TULP4: variants seen among roughly 807,000 people sequenced by gnomAD.
TULP4 encodes TUB like protein 4.
Under a neutral mutation model 129.0 loss-of-function variants are expected in TULP4, and 16 were observed. That is an observed-to-expected ratio of 0.12 (90% CI 0.08 to 0.19). The LOEUF (loss-of-function observed/expected upper bound fraction) is 0.19. TULP4 is among the 10% of genes least tolerant of loss of function. The pLI is 1.00. For missense variants in TULP4, 1,842 were observed against 2,059.1 expected (o/e 0.89, Z 2.04); for synonymous variants, 998 against 854.0 (o/e 1.17, Z -2.94).
chr6:158,412,461 A>G (rs1778117729), intron 1 of TULP4, among the ~76,000 whole-genome samples: 1 of 152,210 alleles, frequency 6.6e-6, no homozygotes. Context: ...TCAAATTAAA[A>G]AACAAAGTTC....
At chr6:158,384,851 T>C (rs1323195548) in intron 1 of TULP4, among the ~76,000 whole-genome samples, 1 of 152,194 alleles carries the variant, frequency 6.6e-6, no homozygotes, top group Non-Finnish European at 1.5e-5. Context: ...GTTCAGAGGA[T>C]AGTGTGAAGG....
rs183318068 is a variant in TULP4 at position 158,301,244 on chromosome 6, A to G, written n.117-10807A>G. On this transcript the variant is annotated intron_variant and non_coding_transcript_variant, in intron 1 of 1. Transcript: ENST00000432358. ...TTAACTCTACCTTTTGAGCAGAGGT[A>G]TAAGGGTTAGAAATAAGCTTGTCTG... 5.9e-5 allele frequency among the ~76,000 whole-genome samples: 9 copies of G among 152,340 alleles called. No individual in the cohort carries two copies. The East Asian group carries it at 1.7e-3, about 29-fold the overall frequency.
chr6:158,415,155 T>C (rs1340249869), intron 2 of TULP4, among the ~76,000 whole-genome samples: 1 of 152,230 alleles, frequency 6.6e-6, no homozygotes, highest in Non-Finnish European at 1.5e-5. Flanking sequence ...GAAAAATTTC[T>C]ATCACCTAGT....
intron 1 of TULP4, among the ~76,000 whole-genome samples, chr6:158,295,326 G>C (rs549685654): frequency 6.6e-6 from 1 of 152,130 alleles, no homozygotes; most frequent in South Asian, 2.1e-4. Flanking sequence ...TTTCTAGATT[G>C]GGAGAGTACC....
At position 158,494,980 on chromosome 6, in the gene TULP4, C is replaced by G. The variant is rs909285396; in HGVS notation, c.1870+134C>G. 23 of 653,546 alleles carry G rather than the reference C, an allele frequency of 3.5e-5. No individual in the cohort carries two copies. In the Admixed American group the frequency reaches 7.9e-4, roughly 22 times the overall value. 40.5% of individuals were successfully genotyped at this position (653,546 alleles called of 1,614,324 possible). A position where few individuals can be genotyped will look rare whatever the true frequency, so the allele number is the denominator to read the frequency against. ...GATTAGCATGTATTTTACCTCTAAACCTTAACTTCACCACAGTGATTTCAC... is the reference window on the plus strand; with the variant it reads ...GATTAGCATGTATTTTACCTCTAAAGCTTAACTTCACCACAGTGATTTCAC... On this transcript the variant is annotated intron_variant, in intron 11 of 13. Transcript: ENST00000367097.
At chr6:158,501,510 T>C (rs1470965683) in intron 12 of TULP4, among the ~76,000 whole-genome samples, 168 bp from the exon 13 acceptor site, 5 of 152,144 alleles carry the variant, frequency 3.3e-5, no homozygotes, top group Admixed American at 3.3e-4. Flanking sequence ...AGAACCCATC[T>C]CCCTTGTGCG....
upstream of TULP4, among the ~76,000 whole-genome samples, chr6:158,277,982 A>G (rs1778676459): frequency 6.6e-6 from 1 of 151,970 alleles, no homozygotes; most frequent in Non-Finnish European, 1.5e-5. Context: ...AATTCTCTTG[A>G]CTTCTTTTGC....
At chr6:158,369,158 C>A (rs1182900691) in intron 1 of TULP4, among the ~76,000 whole-genome samples, 1 of 151,964 alleles carries the variant, frequency 6.6e-6, no homozygotes, top group African/African-American at 2.4e-5. Flanking sequence ...TAATGTCTTA[C>A]AGGGAATGTC....
In TULP4 at chr6:158,351,045, C is replaced by T. The variant is rs1365748773; in HGVS notation, c.252+36777C>T. On this transcript the variant is annotated intron_variant, in intron 1 of 13. Coordinates refer to ENST00000367097, the MANE Select transcript of TULP4 (RefSeq NM_020245.5). ...CTAGTATTACAGGCATGAGCTACCA[C>T]GCCTGGCCCTGTTTTGGTCTTTATC... is the stretch of plus-strand genomic sequence containing the variant. Among the ~76,000 whole-genome samples, 9 of 152,166 alleles carry T rather than the reference C, an allele frequency of 5.9e-5. No individual in the cohort carries two copies. The East Asian group carries it at 7.7e-4, about 13-fold the overall frequency.
intron 6 of TULP4, among the ~76,000 whole-genome samples, chr6:158,474,306 G>A (rs1779762629): frequency 1.3e-5 from 2 of 152,200 alleles, no homozygotes; most frequent in South Asian, 2.1e-4. Context: ...CTGCCTCCTC[G>A]GTGGCCGGGT....
At chr6:158,484,248 A>T (rs1437489011) in intron 8 of TULP4, among the ~76,000 whole-genome samples, 1 of 149,024 alleles carries the variant, frequency 6.7e-6, no homozygotes, top group African/African-American at 2.5e-5. Flanking sequence ...ACCCCCACCC[A>T]TTGTTTTTTA....
At chr6:158,242,136 A>T (rs1387162197) in intron 1 of TULP4, 2 of 919,310 alleles carry the variant, frequency 2.2e-6, no homozygotes, top group Admixed American at 3.4e-5. Context: ...AGGCCATCTG[A>T]CCATAAGTGA....
intron 3 of TULP4, among the ~76,000 whole-genome samples, chr6:158,446,904 A>G (rs1043523233): frequency 6.6e-6 from 1 of 152,086 alleles, no homozygotes; most frequent in African/African-American, 2.4e-5. Context: ...CCCCACCCTC[A>G]CGACCTTGTC....
chr6:158,356,640 A>G (rs1194606484), intron 1 of TULP4, among the ~76,000 whole-genome samples: 3 of 152,120 alleles, frequency 2.0e-5, no homozygotes, highest in Non-Finnish European at 4.4e-5. Flanking sequence ...ATTCTTAACA[A>G]CGTCAGGATC....
At chr6:158,263,411 C>T (rs1419108243) in intron 1 of TULP4, among the ~76,000 whole-genome samples, 7 of 152,112 alleles carry the variant, frequency 4.6e-5, no homozygotes, top group South Asian at 2.1e-4. Context: ...AATAGTAACT[C>T]CTGAGCTGCT....
intron 2 of TULP4, among the ~76,000 whole-genome samples, chr6:158,420,763 C>T (rs568330553): frequency 3.3e-5 from 5 of 152,004 alleles, no homozygotes; most frequent in South Asian, 4.2e-4. Context: ...GGACTACAGG[C>T]GTGAGCCACC....
intron 1 of TULP4, among the ~76,000 whole-genome samples, chr6:158,298,354 A>T (rs965673383): frequency 2.0e-5 from 3 of 152,182 alleles, no homozygotes; most frequent in African/African-American, 7.2e-5. Context: ...AAATTATAAA[A>T]GTATTATTTG....
At chr6:158,297,697 T>C (rs1274686870) in intron 1 of TULP4, among the ~76,000 whole-genome samples, 2 of 152,198 alleles carry the variant, frequency 1.3e-5, no homozygotes, top group East Asian at 1.9e-4. Flanking sequence ...TCGGGGTGCC[T>C]GACTTCCCAC....
chr6:158,282,601 A>C (rs979307480), intron 1 of TULP4, among the ~76,000 whole-genome samples: 1 of 151,180 alleles, frequency 6.6e-6, no homozygotes, highest in Non-Finnish European at 1.5e-5. Flanking sequence ...TACGAGATTT[A>C]AATCCTGCCA....
Sources: allele counts gnomAD v4.1 joint callset (sites outside exome capture counted in the v4.1 genomes callset), GRCh38; gene constraint gnomAD v4.1.1; transcripts MANE v1.5; gene names NCBI Gene and HGNC (gene_info 2026-07-23, HGNC 2026-07-21).